Variants in STAU2 observed in about 807,000 individuals in gnomAD.
The protein encoded by STAU2 is staufen double-stranded RNA binding protein 2.
STAU2 carries 20 observed loss-of-function variants against 65.9 expected under a neutral mutation model. The ratio of observed to expected loss-of-function variants is 0.30; its 90% CI spans 0.21 to 0.44. The LOEUF (loss-of-function observed/expected upper bound fraction) is 0.44. Among genes scored for constraint, STAU2 ranks in the 20% least tolerant of loss-of-function variants. The pLI is 1.00. For synonymous variants in STAU2, 232 were observed against 233.9 expected, an observed-to-expected ratio of 0.99 and a Z score of 0.07; for missense variants, 558 against 683.9, an observed-to-expected ratio of 0.82 and a Z score of 2.05.
intron 13 of STAU2, among the ~76,000 whole-genome samples, chr8:73,515,662 A>G (rs1435161269): frequency 6.6e-6 from 1 of 152,048 alleles, no homozygotes; most frequent in East Asian, 1.9e-4. Flanking sequence ...AACAAATAGT[A>G]AGGAAATTCT....
intron 12 of STAU2, among the ~76,000 whole-genome samples, chr8:73,560,112 G>A (rs544731804): frequency 3.3e-5 from 4 of 122,654 alleles, no homozygotes; most frequent in South Asian, 5.0e-4. Flanking sequence ...ACAGAGTCTC[G>A]CTCTGTCCCC....
At chr8:73,641,694 C>G (rs1814984342) in intron 6 of STAU2, among the ~76,000 whole-genome samples, 1 of 152,198 alleles carries the variant, frequency 6.6e-6, no homozygotes, top group Admixed American at 6.5e-5. Flanking sequence ...GTAAAGAAAA[C>G]TGTTGGTTTA....
chr8:73,543,304 T>C (rs953694735), intron 13 of STAU2, among the ~76,000 whole-genome samples: 1 of 152,184 alleles, frequency 6.6e-6, no homozygotes, highest in Non-Finnish European at 1.5e-5. Context: ...TCTTTTGCAA[T>C]AAAGAGTCCC....
intron 13 of STAU2, among the ~76,000 whole-genome samples, chr8:73,490,481 A>G (rs991757943): frequency 2.0e-4 from 31 of 152,028 alleles, no homozygotes; most frequent in Non-Finnish European, 3.4e-4. Flanking sequence ...AACTACACTT[A>G]AGTCTTTTAA....
At chr8:73,462,777 T>C (rs1819438983) in intron 13 of STAU2, among the ~76,000 whole-genome samples, 1 of 152,148 alleles carries the variant, frequency 6.6e-6, no homozygotes, top group African/African-American at 2.4e-5. Flanking sequence ...GCCTTGCCTA[T>C]ATTGTGATAT....
At chr8:73,470,465 C>T (rs1026009019) in intron 13 of STAU2, among the ~76,000 whole-genome samples, 5 of 152,082 alleles carry the variant, frequency 3.3e-5, no homozygotes, top group African/African-American at 7.2e-5. Context: ...AAAGCAAAGT[C>T]GTAGGCTGGG....
intron 12 of STAU2, among the ~76,000 whole-genome samples, chr8:73,559,927 T>A (rs1808074071): frequency 6.6e-6 from 1 of 151,532 alleles, no homozygotes; most frequent in Admixed American, 6.6e-5. Context: ...TGTGGAAAAC[T>A]AAAAAGAGAA....
intron 6 of STAU2, among the ~76,000 whole-genome samples, chr8:73,627,872 C>T (rs1418053476): frequency 6.6e-6 from 1 of 151,332 alleles, no homozygotes; most frequent in East Asian, 1.9e-4. Context: ...GGGCAAGAAG[C>T]CTTATGTTCT....
At chr8:73,479,712 CGTGTGT>C (rs5892422) in intron 13 of STAU2, among the ~76,000 whole-genome samples, 6 of 143,902 alleles carry the variant, frequency 4.2e-5, no homozygotes, top group South Asian at 4.6e-4. Context: ...CTTAAATATA[CGTGTGT>C]GTGTGTGTGT....
chr8:73,462,039 C>T (rs1307247935), intron 13 of STAU2, among the ~76,000 whole-genome samples: 1 of 151,848 alleles, frequency 6.6e-6, no homozygotes, highest in African/African-American at 2.4e-5. Flanking sequence ...TTGTTCACAT[C>T]TATCGGTAAA....
chr8:73,622,947 C>T (rs1049782000), intron 6 of STAU2, among the ~76,000 whole-genome samples: 7 of 152,102 alleles, frequency 4.6e-5, no homozygotes, highest in Admixed American at 3.9e-4. Context: ...GGAAGTCTTG[C>T]AAAAAATAAA....
At chr8:73,551,265 G>T in intron 13 of STAU2, 1 of 987,318 alleles carries the variant, frequency 1.0e-6, no homozygotes, top group Non-Finnish European at 1.2e-6. Context: ...AGGAAACAAA[G>T]AATAAATAGG....
At chr8:73,423,108 T>C (rs1461994942) in intron 13 of STAU2, among the ~76,000 whole-genome samples, 2 of 152,250 alleles carry the variant, frequency 1.3e-5, no homozygotes, top group Non-Finnish European at 2.9e-5. Flanking sequence ...ATAAAGGTAT[T>C]GTTCAAATTG....
intron 13 of STAU2, among the ~76,000 whole-genome samples, chr8:73,447,886 C>T (rs1563597794): frequency 3.9e-5 from 6 of 152,218 alleles, no homozygotes; most frequent in Admixed American, 2.6e-4. Context: ...TTACCACCCT[C>T]TGGAAAGCGA....
rs1811324389 is a variant in STAU2 at position 73,597,937 on chromosome 8, T to C, written c.1030-2640A>G. Among the ~76,000 whole-genome samples, 4 of 152,168 alleles carry C rather than the reference T, an allele frequency of 2.6e-5. No homozygotes were observed. The South Asian group carries it at 8.3e-4, about 31-fold the overall frequency. ...TATTCTTTTCATCCAAATTCATCCA[T>C]AAAACACGAAATGAGAAATCAGTCC... On this transcript the variant is annotated intron_variant, in intron 10 of 14. Transcript: ENST00000524300.
Position 73,426,975 on chromosome 8 carries a change from C to CTGGA in STAU2, c.1531-4277_1531-4274dup, listed in dbSNP as rs1310531540. Among the ~76,000 whole-genome samples, 6 of 143,652 alleles carry CTGGA rather than the reference C, an allele frequency of 4.2e-5. No individual in the cohort carries two copies. In the South Asian group the frequency reaches 8.8e-4, roughly 21 times the overall value. The allele number at this position is 143,652 out of a possible 152,430, so 94.2% of individuals were successfully genotyped here. On this transcript the variant is annotated intron_variant, in intron 13 of 14. Coordinates refer to ENST00000524300, the MANE Select transcript of STAU2 (RefSeq NM_001164380.2). ...CAGAGTTTTGCTCTTGTTGCCCAGG[C>CTGGA]TGGAGTGCAATGGCGTGAACTCGGC...
chr8:73,548,717 T>C (rs1030245907), intron 13 of STAU2, among the ~76,000 whole-genome samples: 1 of 152,170 alleles, frequency 6.6e-6, no homozygotes, highest in Non-Finnish European at 1.5e-5. Context: ...ATATTATTTA[T>C]GTGAGGGAAA....
At chr8:73,621,945 T>TTC (rs1181485521) in intron 6 of STAU2, among the ~76,000 whole-genome samples, 2 of 149,654 alleles carry the variant, frequency 1.3e-5, no homozygotes, top group African/African-American at 4.9e-5. Flanking sequence ...GGTTAGGTCT[T>TTC]TCTCTCTTTT....
intron 4 of STAU2, among the ~76,000 whole-genome samples, chr8:73,697,101 T>C (rs1266801770): frequency 6.6e-6 from 1 of 152,186 alleles, no homozygotes; most frequent in African/African-American, 2.4e-5. Flanking sequence ...TCACCCAGGC[T>C]GGAATGCAGT....
Sources: gnomAD v4.1 joint callset for allele counts (sites outside exome capture counted in the v4.1 genomes callset) on GRCh38, gnomAD v4.1.1 for gene constraint, MANE v1.5 for transcripts, NCBI Gene and HGNC (gene_info 2026-07-23, HGNC 2026-07-21) for gene names.